PRKX: variants seen among roughly 807,000 people sequenced by gnomAD.
PRKX encodes cAMP-dependent protein kinase catalytic subunit PRKX.
Under a neutral mutation model 22.0 loss-of-function variants are expected in PRKX, and 12 were observed. That is an observed-to-expected ratio of 0.54 (90% CI 0.35 to 0.88). PRKX has a LOEUF of 0.88. Among genes scored for constraint, PRKX ranks in the 40% least tolerant of loss-of-function variants. PRKX has a pLI of 0.01. For synonymous variants in PRKX, 134 were observed against 137.7 expected (o/e 0.97, Z 0.19); for missense variants, 217 against 308.0 (o/e 0.70, Z 2.21).
intron 4 of PRKX, among the ~76,000 whole-genome samples, chrX:3,630,547 A>G (rs373208416): frequency 2.0e-3 from 220 of 111,898 alleles, no homozygotes; most frequent in African/African-American, 6.6e-3. Flanking sequence ...GCGACAGAGC[A>G]AGACTCTGTC....
At chrX:3,636,158 T>C (rs1287593747) in intron 4 of PRKX, among the ~76,000 whole-genome samples, 3 of 112,498 alleles carry the variant, frequency 2.7e-5, no homozygotes, top group South Asian at 3.6e-4. Context: ...TAGTGGAAGA[T>C]TGAGATAATC....
At chrX:3,631,465 G>C (rs764772201) in intron 4 of PRKX, among the ~76,000 whole-genome samples, 6 of 111,477 alleles carry the variant, frequency 5.4e-5, no homozygotes, top group South Asian at 3.8e-4. Flanking sequence ...CAGGAGCTGG[G>C]AGAGGCAGGG....
intron 5 of PRKX, among the ~76,000 whole-genome samples, chrX:3,623,917 G>A (rs1219426084): frequency 5.4e-5 from 6 of 112,024 alleles, no homozygotes; most frequent in African/African-American, 9.7e-5. Flanking sequence ...ATTTCTATAA[G>A]GAATGTCAAT....
At chrX:3,652,600 A>G (rs1317978213) in intron 3 of PRKX, among the ~76,000 whole-genome samples, 1 of 111,195 alleles carries the variant, frequency 9.0e-6, no homozygotes, top group African/African-American at 3.3e-5. Context: ...AAACAAAAAA[A>G]CAAACAAAAA....
intron 2 of PRKX, chrX:3,670,291 T>A (rs887015823): frequency 1.6e-5 from 2 of 123,164 alleles, no homozygotes; most frequent in Admixed American, 1.9e-4. Context: ...CCCTCCAGCA[T>A]CTTATCCATG....
intron 1 of PRKX, among the ~76,000 whole-genome samples, chrX:3,687,755 A>G (rs746473941): frequency 9.5e-6 from 1 of 105,481 alleles, no homozygotes; most frequent in African/African-American, 3.4e-5. Flanking sequence ...AATTCTCCCT[A>G]AAATGCAGGA....
intron 4 of PRKX, among the ~76,000 whole-genome samples, chrX:3,630,431 G>A (rs7883506): frequency 0.42 from 45,890 of 109,766 alleles, 7,122 homozygotes; most frequent in African/African-American, 0.52. Context: ...GTGGTGGCGG[G>A]CGCCTGTAAT....
chrX:3,648,835 T>C (rs1331886773), intron 3 of PRKX, among the ~76,000 whole-genome samples: 2 of 110,259 alleles, frequency 1.8e-5, no homozygotes, highest in Non-Finnish European at 3.8e-5. Context: ...TCCTGGCACT[T>C]TGGGAGGCCG....
intron 1 of PRKX, among the ~76,000 whole-genome samples, chrX:3,702,445 G>T (rs1295808926): frequency 9.0e-6 from 1 of 111,619 alleles, no homozygotes; most frequent in African/African-American, 3.3e-5. Flanking sequence ...CTTTGATGGG[G>T]TACCTCCCCA....
rs185451667 is a variant in PRKX, at chrX:3,689,846, G to A, written c.167-15080C>T. 3.2e-3 allele frequency among the ~76,000 whole-genome samples: 352 copies of A among 111,169 alleles called. 1 individual carries two copies. The highest frequency in any genetic ancestry group is 0.011 in the African/African-American group (326 of 30,640). ...CAAAAAATTAGCCGAGTGTGGTGGC[G>A]GAAGCCTGTAGTCCCAGCTACTCAG... On this transcript the variant is annotated intron_variant, in intron 1 of 8. Coordinates refer to ENST00000262848, the MANE Select transcript of PRKX (RefSeq NM_005044.5).
At chrX:3,615,612 C>A (rs1417756515) in intron 7 of PRKX, among the ~76,000 whole-genome samples, 1 of 111,660 alleles carries the variant, frequency 9.0e-6, no homozygotes, top group African/African-American at 3.3e-5. Flanking sequence ...GTGGCTCCTG[C>A]CTTTGTGGGA....
At chrX:3,697,864 T>C in intron 1 of PRKX, among the ~76,000 whole-genome samples, 1 of 111,856 alleles carries the variant, frequency 8.9e-6, no homozygotes, top group Non-Finnish European at 1.9e-5. Context: ...AATCACCATG[T>C]TTTCTTTACA....
chrX:3,709,179 G>A (rs1356298202), intron 1 of PRKX, among the ~76,000 whole-genome samples: 7 of 56,794 alleles, frequency 1.2e-4, no homozygotes, highest in Non-Finnish European at 1.8e-4. Flanking sequence ...GTGAGACCCT[G>A]TCTCAAAAAA....
chrX:3,703,805 G>A (rs1368877814), intron 1 of PRKX, among the ~76,000 whole-genome samples: 3 of 107,388 alleles, frequency 2.8e-5, no homozygotes, highest in Non-Finnish European at 5.7e-5. Context: ...CTGAGTAGCT[G>A]GGATGACAGG....
intron 6 of PRKX, among the ~76,000 whole-genome samples, chrX:3,617,113 C>T (rs921749684): frequency 1.9e-5 from 2 of 104,922 alleles, no homozygotes; most frequent in Non-Finnish European, 3.9e-5. Context: ...CACATATACA[C>T]GTTAATATAT....
intron 3 of PRKX, among the ~76,000 whole-genome samples, chrX:3,649,918 C>G (rs1306059510): frequency 9.2e-6 from 1 of 109,012 alleles, no homozygotes; most frequent in Non-Finnish European, 1.9e-5. Context: ...GGTTGGAGGA[C>G]TGCTTCAGTT....
chrX:3,687,779 A>T (rs1264549330), intron 1 of PRKX, among the ~76,000 whole-genome samples: 2 of 111,153 alleles, frequency 1.8e-5, no homozygotes, highest in Non-Finnish European at 3.8e-5. Flanking sequence ...AAAAAACCCC[A>T]AACAGGCCAA....
At chrX:3,675,267 A>C (rs1927928869) in intron 1 of PRKX, among the ~76,000 whole-genome samples, 1 of 111,654 alleles carries the variant, frequency 9.0e-6, no homozygotes, top group African/African-American at 3.3e-5. Context: ...GGCTTGCTCA[A>C]AGTACGGAGT....
In PRKX at chrX:3,612,249, G is replaced by C. The variant is rs1926312163; in HGVS notation, c.1028C>G (p.Thr343Arg). The change falls in exon 8 of 9, where the codon ACA (threonine) becomes AGA (arginine). Residue 343 changes from threonine to arginine, a missense_variant. Transcript: ENST00000262848. ...ATCCTTCTGCGGCACGGGCGCGGCT[G>C]TGTCCCAGTCATTCTCAGGGTAAGT... is the stretch of plus-strand genomic sequence containing the variant. ...FETYPENDWD[T>R]AAPVPQKDLE... The C allele has an allele frequency of 1.7e-6, 2 of 1,208,568 alleles. No individual in the cohort carries two copies. Among genetic ancestry groups the C allele is most frequent in the Admixed American group, 2.2e-5 (1 of 45,421 alleles).
Sources: gnomAD v4.1 joint callset for allele counts (sites outside exome capture counted in the v4.1 genomes callset) on GRCh38, gnomAD v4.1.1 for gene constraint, MANE v1.5 for transcripts, NCBI Gene and HGNC (gene_info 2026-07-23, HGNC 2026-07-21) for gene names.